LRMDA: variants seen among roughly 807,000 people sequenced by gnomAD.
LRMDA encodes leucine rich melanocyte differentiation associated, also known as leucine-rich melanocyte differentiation-associated protein.
In LRMDA, 18 loss-of-function variants were observed where a neutral mutation model predicts 29.8. The observed-to-expected ratio is 0.60, with a 90% CI of 0.42 to 0.90. The LOEUF (loss-of-function observed/expected upper bound fraction) is 0.90. Ranked by LOEUF, LRMDA falls within the 40% of genes least tolerant of loss-of-function variation. The pLI, the probability that LRMDA is intolerant of heterozygous loss-of-function variation, is 0.00. For synonymous variants in LRMDA, 125 were observed against 109.4 expected (o/e 1.14, Z -0.89); for missense variants, 273 against 273.9 (o/e 1.00, Z 0.02).
At chr10:76,256,880 C>T (rs1852604118) in intron 5 of LRMDA, among the ~76,000 whole-genome samples, 1 of 152,176 alleles carries the variant, frequency 6.6e-6, no homozygotes, top group East Asian at 1.9e-4. Context: ...GATCACATCA[C>T]AGTCAGTGTC....
intron 2 of LRMDA, among the ~76,000 whole-genome samples, chr10:75,774,241 T>G (rs1056106110): frequency 6.6e-6 from 1 of 152,184 alleles, no homozygotes; most frequent in African/African-American, 2.4e-5. Flanking sequence ...TTTCAAGCAT[T>G]ACATTTTTAT....
chr10:75,975,019 C>CT (rs1847046350), intron 2 of LRMDA, among the ~76,000 whole-genome samples: 1 of 152,204 alleles, frequency 6.6e-6, no homozygotes, highest in African/African-American at 2.4e-5. Flanking sequence ...GACAGATGAT[C>CT]TACAGATGCT....
At chr10:76,283,717 G>C (rs1382976716) in intron 5 of LRMDA, among the ~76,000 whole-genome samples, 1 of 152,222 alleles carries the variant, frequency 6.6e-6, no homozygotes, top group East Asian at 1.9e-4. Flanking sequence ...GAGGTTCAGA[G>C]AGGTTAAGTA....
intron 6 of LRMDA, among the ~76,000 whole-genome samples, chr10:76,532,900 GT>G (rs1233313083): frequency 5.9e-5 from 9 of 152,104 alleles, no homozygotes; most frequent in African/African-American, 1.7e-4. Flanking sequence ...TTCTAATTGT[GT>G]GTTTCTCAGA....
chr10:75,640,570 A>G (rs982197811), intron 2 of LRMDA, among the ~76,000 whole-genome samples: 1 of 152,172 alleles, frequency 6.6e-6, no homozygotes, highest in African/African-American at 2.4e-5. Context: ...CGAATTATGC[A>G]TTGTTGCCAT....
At chr10:75,544,355 C>T (rs1347135815) in intron 2 of LRMDA, among the ~76,000 whole-genome samples, 1 of 152,126 alleles carries the variant, frequency 6.6e-6, no homozygotes, top group Non-Finnish European at 1.5e-5. Context: ...GGTTTCTAAA[C>T]TATCTCACAA....
At chr10:75,874,499 T>C (rs1366848746) in intron 2 of LRMDA, among the ~76,000 whole-genome samples, 9 of 152,234 alleles carry the variant, frequency 5.9e-5, no homozygotes, top group Admixed American at 5.9e-4. Flanking sequence ...TTATATCAGC[T>C]ATTCTTTATA....
At chr10:75,601,180 A>T (rs761810356) in intron 2 of LRMDA, 7 of 152,190 alleles carry the variant, frequency 4.6e-5, no homozygotes, top group Non-Finnish European at 7.3e-5. Context: ...GTGTTTGCTA[A>T]TTATAACTAA....
chr10:76,550,487 ACCCCCGG>A (rs1843481058), intron 6 of LRMDA, among the ~76,000 whole-genome samples: 1 of 24,658 alleles, frequency 4.1e-5, no homozygotes, highest in African/African-American at 1.5e-4. Flanking sequence ...CCAACCCCCC[ACCCCCGG>A]CCCCCATGGT....
At chr10:76,283,528 G>A (rs1477686040) in intron 5 of LRMDA, among the ~76,000 whole-genome samples, 1 of 152,142 alleles carries the variant, frequency 6.6e-6, no homozygotes, top group Non-Finnish European at 1.5e-5. Flanking sequence ...TCAGGTGTGA[G>A]TTCAAGTCCA....
intron 5 of LRMDA, among the ~76,000 whole-genome samples, chr10:76,233,926 C>G (rs997686946): frequency 3.3e-5 from 5 of 152,206 alleles, no homozygotes; most frequent in Non-Finnish European, 7.3e-5. Flanking sequence ...GAATTCACTT[C>G]TTTCAAACTC....
At chr10:76,460,897 A>G (rs1370306534) in intron 6 of LRMDA, among the ~76,000 whole-genome samples, 2 of 152,342 alleles carry the variant, frequency 1.3e-5, no homozygotes, top group Non-Finnish European at 1.5e-5. Flanking sequence ...TGCAAAGAGT[A>G]CTGTATTCAT....
chr10:75,530,090 A>T (rs1013407739), intron 2 of LRMDA, among the ~76,000 whole-genome samples: 2 of 152,024 alleles, frequency 1.3e-5, no homozygotes, highest in African/African-American at 4.8e-5. Context: ...GTAGTTACAT[A>T]TTTATTTTAC....
intron 6 of LRMDA, among the ~76,000 whole-genome samples, chr10:76,365,612 T>C (rs148558484): frequency 0.046 from 6,943 of 152,308 alleles, 234 homozygotes; most frequent in African/African-American, 0.1. Flanking sequence ...TTCTTACTGA[T>C]TTGTTTGAGT....
intron 2 of LRMDA, among the ~76,000 whole-genome samples, chr10:75,690,979 ATAT>A (rs1230407000): frequency 1.1e-4 from 10 of 90,782 alleles, no homozygotes; most frequent in African/African-American, 4.0e-4. Context: ...TAAAAAAAAA[ATAT>A]ATATATATAT....
intron 2 of LRMDA, among the ~76,000 whole-genome samples, chr10:75,993,402 C>CT (rs1030616561): frequency 2.0e-5 from 3 of 152,102 alleles, no homozygotes; most frequent in Non-Finnish European, 2.9e-5. Flanking sequence ...CTTCAATAGA[C>CT]TTGAAGTTGC....
At chr10:76,523,635 C>T (rs1228115831) in intron 6 of LRMDA, among the ~76,000 whole-genome samples, 2 of 152,156 alleles carry the variant, frequency 1.3e-5, no homozygotes, top group Admixed American at 6.5e-5. Flanking sequence ...TGGGAAAAAG[C>T]AACTCTTGTT....
At chr10:76,122,648 T>C (rs1849809949) in intron 5 of LRMDA, among the ~76,000 whole-genome samples, 1 of 152,204 alleles carries the variant, frequency 6.6e-6, no homozygotes, top group African/African-American at 2.4e-5. Flanking sequence ...GTTAACTTGT[T>C]TTAGCAAATG....
At chr10:75,675,532 A>C (rs1841948945) in intron 2 of LRMDA, among the ~76,000 whole-genome samples, 1 of 152,188 alleles carries the variant, frequency 6.6e-6, no homozygotes, top group Non-Finnish European at 1.5e-5. Flanking sequence ...AGAGTCTTAC[A>C]GATTTAATTT....
Sources: allele counts gnomAD v4.1 joint callset (sites outside exome capture counted in the v4.1 genomes callset), GRCh38; gene constraint gnomAD v4.1.1; transcripts MANE v1.5; gene names NCBI Gene and HGNC (gene_info 2026-07-23, HGNC 2026-07-21).